The following NES variants were observed in gnomAD, a reference collection of about 807,000 sequenced individuals.
The protein encoded by NES is nestin.
In NES, 27 loss-of-function variants were observed where a neutral mutation model predicts 35.6. That is an observed-to-expected ratio of 0.76 (90% CI 0.56 to 1.04). The LOEUF (loss-of-function observed/expected upper bound fraction) is 1.04. Among genes scored for constraint, NES ranks in the 50% least tolerant of loss-of-function variants. The pLI is 0.00. For synonymous variants in NES, 822 were observed against 824.2 expected, an observed-to-expected ratio of 1.00 and a Z score of 0.04; for missense variants, 1,867 against 1,983.6, an observed-to-expected ratio of 0.94 and a Z score of 1.12.
Position 156,676,826 on chromosome 1 carries a change from C to T in NES, c.439G>A (p.Glu147Lys). Residue 147 changes from glutamate to lysine, a missense_variant, in exon 1 of 4, where the codon GAG becomes AAG. Physicochemically the swap from Glu to Lys is moderately conservative, Grantham distance 56. Coordinates refer to ENST00000368223, the MANE Select transcript of NES (RefSeq NM_006617.2). The surrounding 1 kb of genome is among the most constrained non-coding windows in gnomAD (Gnocchi z 5.3). ...GCCTGCGCGTTCAGGCCGACGCGCTCCTCCTCGTGCGCCACGCGTAGAGCC... is the reference window on the plus strand; with the variant it reads ...GCCTGCGCGTTCAGGCCGACGCGCTTCTCCTCGTGCGCCACGCGTAGAGCC... ...LEALRVAHEE[E>K]RVGLNAQAAC... The T allele has an allele frequency of 1.4e-6, 2 of 1,445,540 alleles. No individual in the cohort carries two copies. The highest frequency in any genetic ancestry group is 1.5e-5 in the African/African-American group (1 of 67,510). 89.5% of individuals were successfully genotyped at this position (1,445,540 alleles called of 1,614,324 possible).
chr1:156,670,514 T>C lies in NES; in HGVS notation c.3674A>G (p.Tyr1225Cys), dbSNP rs747969756. 8 of 1,599,460 alleles carry C rather than the reference T, an allele frequency of 5.0e-6. No homozygotes were observed. In the South Asian group the frequency reaches 8.9e-5, roughly 18 times the overall value. Residue 1225 changes from tyrosine (Y) to cysteine (C), a missense_variant, in exon 4 of 4, where the codon TAC becomes TGC. By Grantham distance (194) the Tyr-to-Cys change is radical (BLOSUM62 -2). Transcript: ENST00000368223. Reference sequence around the variant, plus strand: ...AGGGGCATCTTCCAGGATCGGGGTGTACGTTGGGCTGGGGGAGACCAGCAC... The same window carrying C: ...AGGGGCATCTTCCAGGATCGGGGTGCACGTTGGGCTGGGGGAGACCAGCAC... ...PPVLVSPSPT[Y>C]TPILEDAPGP...
In NES at chr1:156,671,864, A is replaced by G. The variant is rs763450697; in HGVS notation, c.2324T>C (p.Met775Thr). 5 of 1,613,818 alleles carry G rather than the reference A, an allele frequency of 3.1e-6. No homozygotes were observed. The highest frequency in any genetic ancestry group is 4.2e-6 in the Non-Finnish European group (5 of 1,179,966). The stretch of plus-strand genomic sequence containing the variant: ...CACTTTTTCTGGGGGTCTTAATGTC[A>G]TCTGATCCTGTTCCCCTAGAGACCT... ...RRRSLGEQDQ[M>T]TLRPPEKVDL... is the part of the protein sequence containing the mutation. Residue 775 changes from methionine to threonine, a missense_variant, in exon 4 of 4, where the codon ATG becomes ACG. Transcript: ENST00000368223.
In NES at chr1:156,677,350, A is replaced by C. The variant is rs2102590994; in HGVS notation, c.-86T>G. Reference sequence around the variant, plus strand: ...CGCAGAGCTTTTAGGACGGAAGAGAAAAGAGACCGACGGGGACAATGACGG... The same window carrying C: ...CGCAGAGCTTTTAGGACGGAAGAGACAAGAGACCGACGGGGACAATGACGG... On this transcript the variant is annotated 5_prime_UTR_variant, in exon 1 of 4. Transcript: ENST00000368223. The surrounding 1 kb of genome is among the most constrained non-coding windows in gnomAD (Gnocchi z 4.5). The C allele has an allele frequency of 4.2e-6, 4 of 955,338 alleles. No individual in the cohort carries two copies. The South Asian group carries it at 4.7e-5, about 11-fold the overall frequency. 59.2% of individuals were successfully genotyped at this position (955,338 alleles called of 1,614,324 possible).
chr1:156,675,424 C>CG, intron 1 of NES, 84 bp from the exon 2 acceptor site: 1 of 1,458,750 alleles, frequency 6.9e-7, no homozygotes, highest in Non-Finnish European at 9.2e-7. Context: ...TGCCGCTGCC[C>CG]GGGAAGCACC....
chr1:156,669,545 T>C lies in NES; in HGVS notation c.4643A>G (p.His1548Arg). ...QGPNLEGKSQHVNGGVMNGLE... is the reference protein window; with the variant it reads ...QGPNLEGKSQRVNGGVMNGLE... The stretch of plus-strand genomic sequence containing the variant: ...CCCGTTCATCACTCCCCCATTCACA[T>C]GCTGTGACTTCCCCTCCAAGTTGGG... Residue 1548 changes from histidine to arginine, a missense_variant, in exon 4 of 4, where the codon CAT (histidine) becomes CGT (arginine). Physicochemically the swap from His to Arg is conservative, Grantham distance 29 (BLOSUM62 0). Transcript: ENST00000368223. The C allele has an allele frequency of 6.2e-7, 1 of 1,613,172 alleles. No homozygotes were observed. Among genetic ancestry groups the C allele is most frequent in the African/African-American group, 1.3e-5 (1 of 75,014 alleles).
intron 3 of NES, 105 bp from the exon 4 acceptor site, chr1:156,673,310 C>T (rs1432532677): frequency 1.5e-6 from 2 of 1,296,598 alleles, no homozygotes; most frequent in Non-Finnish European, 2.1e-6. Flanking sequence ...CTGCCCCTGG[C>T]GCCCATGGCT....
At position 156,670,378 on chromosome 1, in the gene NES, C is replaced by T; in HGVS notation, c.3810G>A (p.Glu1270=). ...ESEQEELGSG[E]IPEGPQEEGE... ...CTTCCTCCTGGGGGCCCTCGGGGAT[C>T]TCCCCAGAACCCAACTCCTCCTGCT... is the stretch of plus-strand genomic sequence containing the variant. Residue 1270 remains glutamate (E), a synonymous_variant, in exon 4 of 4, where the codon GAG becomes GAA. Transcript: ENST00000368223. The T allele has an allele frequency of 6.2e-7, 1 of 1,600,180 alleles. No homozygotes were observed. The highest frequency in any genetic ancestry group is 8.5e-7 in the Non-Finnish European group (1 of 1,173,284).
Position 156,673,010 on chromosome 1 carries a change from G to T in NES, c.1178C>A (p.Thr393Lys). The T allele has an allele frequency of 6.2e-7, 1 of 1,612,284 alleles. No individual in the cohort carries two copies. Among genetic ancestry groups the T allele is most frequent in the South Asian group, 1.1e-5 (1 of 91,044 alleles). The change falls in exon 4 of 4, where the codon ACA becomes AAA. Residue 393 changes from threonine (T) to lysine (K), a missense_variant. Transcript: ENST00000368223. The stretch of plus-strand genomic sequence containing the variant: ...TACAGCAGGAGAGGGTGCCTGAGGT[G>T]TGGGGGGGATGGGGGTGCTGGCCAA... ...PTLASTPIPP[T>K]PQAPSPAVDA...
At chr1:156,673,283 CA>C in intron 3 of NES, 78 bp from the exon 4 acceptor site, 1 of 1,331,180 alleles carries the variant, frequency 7.5e-7, no homozygotes. Flanking sequence ...CCACCGCTGG[CA>C]AGAGTATCCA....
rs779087631 is a variant in NES, at chr1:156,670,133, C to T, written c.4055G>A (p.Gly1352Glu). 2.7e-5 allele frequency: 43 copies of T among 1,614,060 alleles called. No individual in the cohort carries two copies. The highest frequency in any genetic ancestry group is 1.6e-4 in the Middle Eastern group (1 of 6,062). The change falls in exon 4 of 4, where the codon GGG (glycine) becomes GAG (glutamate). Residue 1352 changes from glycine (G) to glutamate (E), a missense_variant. Coordinates refer to ENST00000368223, the MANE Select transcript of NES (RefSeq NM_006617.2). ...GCCACACTCCTCTTCTCCCTCCTCC[C>T]CCTCCTCCTTTTCTGAGGGTGGGGC... is the stretch of plus-strand genomic sequence containing the variant. The part of the protein sequence containing the change: ...LEAPPSEKEE[G>E]EEGEEECGRD...
Position 156,670,678 on chromosome 1 carries a change from C to T in NES, c.3510G>A (p.Glu1170=), listed in dbSNP as rs1465748494. The change falls in exon 4 of 4, where the codon GAG becomes GAA. Residue 1170 remains glutamate (E), a synonymous_variant. Transcript: ENST00000368223. ...KSRDPWEPPR[E]GREESEAEAP... ...CCTCAGCCTCTGACTCCTCCCTACC[C>T]TCCCTGGGAGGCTCCCAAGGGTCTC... 3 of 1,613,862 alleles carry T rather than the reference C, an allele frequency of 1.9e-6. No homozygotes were observed. The highest frequency in any genetic ancestry group is 1.7e-6 in the Non-Finnish European group (2 of 1,179,898).
At position 156,671,854 on chromosome 1, in the gene NES, T is replaced by A; in HGVS notation, c.2334A>T (p.Arg778Ser). Residue 778 changes from arginine (R) to serine (S), a missense_variant, in exon 4 of 4, where the codon AGA becomes AGT. Coordinates refer to ENST00000368223, the MANE Select transcript of NES (RefSeq NM_006617.2). ...GTTCTAGATCCACTTTTTCTGGGGG[T>A]CTTAATGTCATCTGATCCTGTTCCC... ...SLGEQDQMTL[R>S]PPEKVDLEPL... is the part of the protein sequence containing the mutation. 6.2e-7 allele frequency: 1 copy of A among 1,613,792 alleles called. No homozygotes were observed. The highest frequency in any genetic ancestry group is 8.5e-7 in the Non-Finnish European group (1 of 1,179,922).
chr1:156,670,146 C>A lies in NES; in HGVS notation c.4042G>T (p.Glu1348Ter). 1 of 1,614,052 alleles carries A rather than the reference C, an allele frequency of 6.2e-7. No individual in the cohort carries two copies. The highest frequency in any genetic ancestry group is 8.5e-7 in the Non-Finnish European group (1 of 1,180,000). ...TCTCCCTCCTCCCCCTCCTCCTTTT[C>A]TGAGGGTGGGGCCTCAAGGCCCTCG... ...ASEGLEAPPS[E>*]KEEGEEGEEE... is the part of the protein sequence containing the mutation. The change falls in exon 4 of 4, where the codon GAA (glutamate) becomes TAA (stop). Residue 1348 changes from glutamate to a stop codon, truncating the protein, a stop_gained. Coordinates refer to ENST00000368223, the MANE Select transcript of NES (RefSeq NM_006617.2). LOFTEE classifies it low-confidence loss of function (END_TRUNC).
Position 156,676,532 on chromosome 1 carries a change from T to C in NES, c.733A>G (p.Arg245Gly). The change falls in exon 1 of 4, where the codon AGG becomes GGG. Residue 245 changes from arginine (R) to glycine (G), a missense_variant. Arg to Gly is a moderately radical substitution (Grantham distance 125). Transcript: ENST00000368223. This position sits in a 1 kb window ranked among gnomAD's most constrained non-coding sequence, Gnocchi z 5.3. ...CGCTCCTGCCAGCGGCCCTCCAACC[T>C]CTGTTCCAACGCTGCCCTGCGCTCC... ...LLERRAALEQ[R>G]LEGRWQERLR... 1 of 1,596,388 alleles carries C rather than the reference T, an allele frequency of 6.3e-7. No individual in the cohort carries two copies. The highest frequency in any genetic ancestry group is 8.5e-7 in the Non-Finnish European group (1 of 1,178,788).
Position 156,669,311 on chromosome 1 carries a change from A to C in NES, c.*11T>G, listed in dbSNP as rs1180261400. The C allele has an allele frequency of 6.5e-7, 1 of 1,529,310 alleles. No homozygotes were observed. The highest frequency in any genetic ancestry group is 1.3e-5 in the South Asian group (1 of 79,796). The allele number at this position is 1,529,310 out of a possible 1,614,324, so 94.7% of individuals were successfully genotyped here. A position where few individuals can be genotyped will look rare whatever the true frequency, so the allele number is the denominator to read the frequency against. ...CCCCTAAGTCCCCAGTGCCGGGCAG[A>C]TGGTCTTTTCCTAGTCCTCCCCTGA... is the stretch of plus-strand genomic sequence containing the variant. On this transcript the variant is annotated 3_prime_UTR_variant, in exon 4 of 4. Coordinates refer to ENST00000368223, the MANE Select transcript of NES (RefSeq NM_006617.2).
At position 156,672,938 on chromosome 1, in the gene NES, G is replaced by A. The variant is rs1166394739; in HGVS notation, c.1250C>T (p.Thr417Ile). Residue 417 changes from threonine (T) to isoleucine (I), a missense_variant, in exon 4 of 4, where the codon ACA becomes ATA. Thr to Ile is a moderately conservative substitution (Grantham distance 89, BLOSUM62 -1). Coordinates refer to ENST00000368223, the MANE Select transcript of NES (RefSeq NM_006617.2). ...TGGAGCCTGTTTCCTCCCACCCTGT[G>A]TCTGGAGCAGAGAGAGAGGAGCATC... ...AQDAPLSLLQTQGGRKQAPEP... is the reference protein window; with the variant it reads ...AQDAPLSLLQIQGGRKQAPEP... The A allele has an allele frequency of 1.9e-6, 3 of 1,614,070 alleles. No individual in the cohort carries two copies. The highest frequency in any genetic ancestry group is 2.2e-5 in the East Asian group (1 of 44,886).
At chr1:156,673,605 A>C in intron 2 of NES, 78 bp from the exon 3 acceptor site, 2 of 1,090,294 alleles carry the variant, frequency 1.8e-6, no homozygotes, top group Non-Finnish European at 2.7e-6. Flanking sequence ...GGGACAACTC[A>C]GGCTGAGCTT....
Position 156,673,142 on chromosome 1 carries a change from G to A in NES, c.1046C>T (p.Pro349Leu). 1 of 1,554,360 alleles carries A rather than the reference G, an allele frequency of 6.4e-7. No homozygotes were observed. The highest frequency in any genetic ancestry group is 8.7e-7 in the Non-Finnish European group (1 of 1,148,588). ...PEGRRLGSLLPVLSPTSLPSP... is the reference protein window; with the variant it reads ...PEGRRLGSLLLVLSPTSLPSP... Reference sequence around the variant, plus strand: ...GGGGAGGGAAGTTGGGCTCAGGACTGGGAGCAAAGATCCAAGACGCCGGCC... The same window carrying A: ...GGGGAGGGAAGTTGGGCTCAGGACTAGGAGCAAAGATCCAAGACGCCGGCC... The change falls in exon 4 of 4, where the codon CCA becomes CTA. Residue 349 changes from proline (P) to leucine (L), a missense_variant. By Grantham distance (98) the Pro-to-Leu change is moderately conservative. Transcript: ENST00000368223.
rs777916306 is a variant in NES at position 156,672,925 on chromosome 1, C to T, written c.1263G>A (p.Arg421=). The T allele has an allele frequency of 1.2e-6, 2 of 1,614,048 alleles. No homozygotes were observed. The highest frequency in any genetic ancestry group is 2.2e-5 in the East Asian group (1 of 44,884). ...PLSLLQTQGG[R]KQAPEPLRAE... ...CCCGCAGGGGCTCTGGAGCCTGTTTCCTCCCACCCTGTGTCTGGAGCAGAG... is the reference window on the plus strand; with the variant it reads ...CCCGCAGGGGCTCTGGAGCCTGTTTTCTCCCACCCTGTGTCTGGAGCAGAG... The change falls in exon 4 of 4, where the codon AGG becomes AGA. Residue 421 remains arginine (R), a synonymous_variant. Coordinates refer to ENST00000368223, the MANE Select transcript of NES (RefSeq NM_006617.2).
Sources: allele counts gnomAD v4.1 joint callset, GRCh38; gene constraint gnomAD v4.1.1; non-coding constraint Gnocchi (gnomAD v3.1); transcripts MANE v1.5; gene names NCBI Gene and HGNC (gene_info 2026-07-23, HGNC 2026-07-21).